SUSD4: variants seen among roughly 807,000 people sequenced by gnomAD.
The protein encoded by SUSD4 is sushi domain containing 4.
Under a neutral mutation model 50.5 loss-of-function variants are expected in SUSD4, and 41 were observed. The ratio of observed to expected loss-of-function variants is 0.81; its 90% confidence interval spans 0.63 to 1.05. The LOEUF is 1.05. Among genes scored for constraint, SUSD4 ranks in the 50% least tolerant of loss-of-function variants. The probability of loss-of-function intolerance (pLI) is 0.00; values close to 1 mark genes in which losing one functional copy is unlikely to be tolerated. For synonymous variants in SUSD4, 257 were observed against 257.3 expected, an observed-to-expected ratio of 1.00 and a Z score of 0.01; for missense variants, 580 against 634.7, an observed-to-expected ratio of 0.91 and a Z score of 0.93.
At chr1:223,273,628 G>A (rs931200489) in intron 3 of SUSD4, among the ~76,000 whole-genome samples, 3 of 152,208 alleles carry the variant, frequency 2.0e-5, no homozygotes, top group South Asian at 2.1e-4. Flanking sequence ...ATGCAGTATC[G>A]GGTCAACTTC....
intron 2 of SUSD4, among the ~76,000 whole-genome samples, chr1:223,293,619 A>C (rs937864496): frequency 6.6e-6 from 1 of 152,200 alleles, no homozygotes; most frequent in African/African-American, 2.4e-5. Flanking sequence ...GGCTGAGAGC[A>C]GTGGAGACAC....
At chr1:223,233,497 T>C (rs139912296) in intron 5 of SUSD4, among the ~76,000 whole-genome samples, 2 of 152,162 alleles carry the variant, frequency 1.3e-5, no homozygotes, top group African/African-American at 2.4e-5. Context: ...TGAGTACTGC[T>C]ACTGTCTCCT....
At chr1:223,235,142 T>C in intron 5 of SUSD4, 1 of 1,546,302 alleles carries the variant, frequency 6.5e-7, no homozygotes, top group East Asian at 2.3e-5. Context: ...AAGAAGACTA[T>C]TTCTCTTGAT....
At chr1:223,312,948 GAAATAGGCAAGGGGC>G (rs1334538174) in intron 2 of SUSD4, among the ~76,000 whole-genome samples, 2 of 152,170 alleles carry the variant, frequency 1.3e-5, no homozygotes, top group Non-Finnish European at 2.9e-5. Flanking sequence ...CAAGTCTGGG[GAAATAGGCAAGGGGC>G]AAAGAGTCAA....
chr1:223,343,452 G>A (rs933236130), intron 2 of SUSD4, among the ~76,000 whole-genome samples: 8 of 151,994 alleles, frequency 5.3e-5, no homozygotes, highest in African/African-American at 1.9e-4. Flanking sequence ...GCAGCACGAT[G>A]GTGAAAAAAA....
At chr1:223,343,913 G>A (rs939671411) in intron 2 of SUSD4, among the ~76,000 whole-genome samples, 2 of 152,044 alleles carry the variant, frequency 1.3e-5, no homozygotes, top group East Asian at 1.9e-4. Flanking sequence ...AACAGAGTAC[G>A]AGAACATGGC....
At chr1:223,307,172 G>GA (rs1471391921) in intron 2 of SUSD4, among the ~76,000 whole-genome samples, 2 of 152,166 alleles carry the variant, frequency 1.3e-5, no homozygotes, top group African/African-American at 4.8e-5. Flanking sequence ...GTCTCTTCTT[G>GA]AAAAAACCTC....
At chr1:223,334,599 G>A (rs1667354758) in intron 2 of SUSD4, among the ~76,000 whole-genome samples, 1 of 152,148 alleles carries the variant, frequency 6.6e-6, no homozygotes, top group African/African-American at 2.4e-5. Flanking sequence ...ACATATGAAA[G>A]ACTAGAATCA....
At chr1:223,315,624 A>G (rs1409156032) in intron 2 of SUSD4, among the ~76,000 whole-genome samples, 1 of 152,212 alleles carries the variant, frequency 6.6e-6, no homozygotes. Flanking sequence ...TCTGACTATT[A>G]AACGCTTTCT....
At chr1:223,239,311 T>C (rs554095939) in intron 5 of SUSD4, among the ~76,000 whole-genome samples, 14 of 152,220 alleles carry the variant, frequency 9.2e-5, no homozygotes, top group African/African-American at 3.4e-4. Flanking sequence ...TGTCTTTTAA[T>C]CGGTGCATTT....
chr1:223,280,196 A>G (rs2103113243), intron 3 of SUSD4, among the ~76,000 whole-genome samples: 1 of 152,342 alleles, frequency 6.6e-6, no homozygotes, highest in East Asian at 1.9e-4. Context: ...CAAAATAACC[A>G]GCTAACATCA....
chr1:223,348,384 G>T (rs1389549007), intron 2 of SUSD4, among the ~76,000 whole-genome samples: 1 of 152,024 alleles, frequency 6.6e-6, no homozygotes, highest in African/African-American at 2.4e-5. Flanking sequence ...ATTCATCTCT[G>T]ACTCTCCCAT....
intron 2 of SUSD4, among the ~76,000 whole-genome samples, chr1:223,298,132 G>C (rs756038402): frequency 6.6e-6 from 1 of 151,792 alleles, no homozygotes; most frequent in African/African-American, 2.4e-5. Flanking sequence ...ATGGATGGAT[G>C]AATGGATGGA....
intron 5 of SUSD4, chr1:223,264,309 T>C (rs1558193480): frequency 1.9e-6 from 2 of 1,062,568 alleles, no homozygotes; most frequent in East Asian, 1.5e-4. Flanking sequence ...ATACAATCTG[T>C]TCCCATTTGG....
intron 2 of SUSD4, among the ~76,000 whole-genome samples, chr1:223,347,024 T>A (rs1020011845): frequency 6.6e-6 from 1 of 151,692 alleles, no homozygotes; most frequent in African/African-American, 2.4e-5. Context: ...AAGCTCCTAC[T>A]TTTTTTTTCT....
At chr1:223,270,276 T>C (rs745723292) in intron 3 of SUSD4, among the ~76,000 whole-genome samples, 7 of 152,138 alleles carry the variant, frequency 4.6e-5, no homozygotes, top group Non-Finnish European at 1.0e-4. Context: ...GAGCAGGGAC[T>C]GTGTTGCTCA....
intron 2 of SUSD4, among the ~76,000 whole-genome samples, chr1:223,319,787 C>G (rs1381701647): frequency 6.6e-6 from 1 of 152,222 alleles, no homozygotes. Flanking sequence ...CACACTGACA[C>G]TTCCAACTAG....
rs568234079 is a variant in SUSD4, at chr1:223,257,758, G to A, written c.724+6872C>T. ...TCATGCTTTCTTATTGTGGATCACC[G>A]GGCAGGGAGCTGAGAGACCCTGCGT... On this transcript the variant is annotated intron_variant, in intron 5 of 8. Transcript: ENST00000366878. Among the ~76,000 whole-genome samples, 10 of 152,132 alleles carry A rather than the reference G, an allele frequency of 6.6e-5. 1 individual carries two copies. Among genetic ancestry groups the A allele is most frequent in the Middle Eastern group, 6.8e-3 (2 of 294 alleles).
chr1:223,234,553 G>A (rs574799871), intron 5 of SUSD4, among the ~76,000 whole-genome samples: 1 of 152,170 alleles, frequency 6.6e-6, no homozygotes, highest in Middle Eastern at 3.2e-3. Flanking sequence ...AAATGTCAAA[G>A]TTTTCACAAT....
Sources: allele counts gnomAD v4.1 joint callset (sites outside exome capture counted in the v4.1 genomes callset), GRCh38; gene constraint gnomAD v4.1.1; transcripts MANE v1.5; gene names NCBI Gene and HGNC (gene_info 2026-07-23, HGNC 2026-07-21).